ZNF565: variants seen among roughly 807,000 people sequenced by gnomAD.
ZNF565 encodes zinc finger protein 565.
Under a neutral mutation model 39.4 loss-of-function variants are expected in ZNF565, and 27 were observed. That is an observed-to-expected ratio of 0.69 (90% confidence interval 0.51 to 0.95). The LOEUF is 0.95. ZNF565 is among the 40% of genes least tolerant of loss of function. The probability of loss-of-function intolerance (pLI) is 0.00; values close to 1 mark genes in which losing one functional copy is unlikely to be tolerated. For synonymous variants in ZNF565, 185 were observed against 216.6 expected, an observed-to-expected ratio of 0.85 and a Z score of 1.28; for missense variants, 524 against 621.1, an observed-to-expected ratio of 0.84 and a Z score of 1.66.
chr19:36,228,158 CAAAAAAA>C (rs71171422), intron 1 of ZNF565, among the ~76,000 whole-genome samples: 1 of 106,644 alleles, frequency 9.4e-6, no homozygotes, highest in Admixed American at 9.5e-5. Flanking sequence ...GAAACTGTCT[CAAAAAAA>C]AAAAAAAAAA....
chr19:36,198,508 G>GGT (rs1975844435), intron 2 of ZNF565, among the ~76,000 whole-genome samples: 2 of 152,152 alleles, frequency 1.3e-5, no homozygotes, highest in African/African-American at 4.8e-5. Flanking sequence ...CTGAGTGGGA[G>GGT]GTGGGGATGG....
chr19:36,184,597 C>T (rs1372229344), intron 4 of ZNF565, among the ~76,000 whole-genome samples: 2 of 151,952 alleles, frequency 1.3e-5, no homozygotes, highest in African/African-American at 2.4e-5. Context: ...ATAGAAACCC[C>T]CCCACCCATT....
intron 1 of ZNF565, among the ~76,000 whole-genome samples, chr19:36,240,906 T>A (rs953523705): frequency 2.6e-5 from 4 of 152,148 alleles, no homozygotes; most frequent in African/African-American, 9.6e-5. Flanking sequence ...AGTCTCCACT[T>A]TCATGAGTAG....
In ZNF565 at chr19:36,183,354, G is replaced by C. The variant is rs533535178; in HGVS notation, c.612C>G (p.Phe204Leu). 6.2e-7 allele frequency: 1 copy of C among 1,613,858 alleles called. No individual in the cohort carries two copies. Among genetic ancestry groups the C allele is most frequent in the East Asian group, 2.2e-5 (1 of 44,850 alleles). The stretch of plus-strand genomic sequence containing the variant: ...GCTGAACAAGGTGTGAGGCACGGCT[G>C]AAGGCCTTCCCACATTCCTTACATC... ...PFGCKECGKA[F>L]SRASHLVQHQ... is the part of the protein sequence containing the mutation. The change falls in exon 5 of 5, where the codon TTC becomes TTG. Residue 204 changes from phenylalanine (F) to leucine (L), a missense_variant. Phe to Leu is a conservative substitution (Grantham distance 22). Coordinates refer to ENST00000304116, the MANE Select transcript of ZNF565 (RefSeq NM_152477.5).
chr19:36,232,106 G>A lies in ZNF565; in HGVS notation c.55+13370C>T, dbSNP rs1275997270. Among the ~76,000 whole-genome samples the A allele has an allele frequency of 2.0e-5, 3 of 151,208 alleles. No individual in the cohort carries two copies. The East Asian group carries it at 5.8e-4, about 29-fold the overall frequency. On this transcript the variant is annotated intron_variant, in intron 1 of 4. Transcript: ENST00000355114. ...TCGTCCCAGCTACTCGGGAGGCTGA[G>A]GCAGGAGAATCGGTTGAACCTGGGA...
chr19:36,188,998 G>C (rs987994704), intron 4 of ZNF565, among the ~76,000 whole-genome samples: 1 of 152,160 alleles, frequency 6.6e-6, no homozygotes, highest in African/African-American at 2.4e-5. Flanking sequence ...ACAAAAAGTA[G>C]AACAGAGGTG....
intron 1 of ZNF565, chr19:36,238,591 A>G (rs948575920): frequency 6.0e-6 from 1 of 166,980 alleles, no homozygotes; most frequent in Admixed American, 6.5e-5. Context: ...TAGGAATGGG[A>G]GTGAGGATGG....
intron 1 of ZNF565, among the ~76,000 whole-genome samples, 199 bp downstream of exon 1, chr19:36,214,415 ACTCTCTAT>A (rs1284762342): frequency 6.6e-6 from 1 of 151,988 alleles, no homozygotes; most frequent in Non-Finnish European, 1.5e-5. Context: ...GCACCCCGAT[ACTCTCTAT>A]CACACATGGT....
chr19:36,223,197 A>T (rs1976926893), intron 1 of ZNF565, among the ~76,000 whole-genome samples: 1 of 151,784 alleles, frequency 6.6e-6, no homozygotes, highest in African/African-American at 2.4e-5. Flanking sequence ...CGGGTAGATC[A>T]CTTGAGGTCA....
rs116829809 is a variant in ZNF565 at position 36,207,399 on chromosome 19, G to C, written c.-65-5349C>G. Among the ~76,000 whole-genome samples the C allele has an allele frequency of 2.6e-3, 400 of 152,202 alleles. 3 individuals carry two copies. Among genetic ancestry groups the C allele is most frequent in the African/African-American group, 8.9e-3 (371 of 41,536 alleles). ...TACTAAAAATACAAAAGTTAGCTGC[G>C]TATGGTGGTGAGCACCTGTAATCCT... On this transcript the variant is annotated intron_variant, in intron 1 of 4. Coordinates refer to ENST00000304116, the MANE Select transcript of ZNF565 (RefSeq NM_152477.5).
At chr19:36,194,919 T>C (rs1420124884) in intron 3 of ZNF565, 111 bp downstream of exon 3, 1 of 1,533,138 alleles carries the variant, frequency 6.5e-7, no homozygotes, top group Admixed American at 1.7e-5. Flanking sequence ...TAGCGTCTCC[T>C]GTGACAGTTT....
intron 1 of ZNF565, among the ~76,000 whole-genome samples, chr19:36,212,281 T>C (rs1468563994): frequency 6.6e-6 from 1 of 151,964 alleles, no homozygotes; most frequent in Non-Finnish European, 1.5e-5. Flanking sequence ...CTACTAAAAA[T>C]ACAAAAAATT....
At chr19:36,201,912 C>G (rs959487361) in intron 2 of ZNF565, 65 bp downstream of exon 2, 26 of 1,577,956 alleles carry the variant, frequency 1.6e-5, no homozygotes, top group Non-Finnish European at 2.2e-5. Context: ...GGATAAAGAA[C>G]ACAGTGTCCA....
intron 1 of ZNF565, among the ~76,000 whole-genome samples, chr19:36,210,717 C>T (rs1015795667): frequency 2.6e-5 from 4 of 151,454 alleles, no homozygotes; most frequent in African/African-American, 2.4e-5. Context: ...CTCCGCCTCC[C>T]GGGCTCAAGC....
chr19:36,188,711 CAAA>C (rs537452721), intron 4 of ZNF565, among the ~76,000 whole-genome samples: 3 of 76,080 alleles, frequency 3.9e-5, no homozygotes, highest in Admixed American at 1.4e-4. Flanking sequence ...GACTCCGTCT[CAAA>C]AAAAAAAAAA....
At chr19:36,237,289 C>T (rs773701823) in intron 1 of ZNF565, 1 of 1,609,194 alleles carries the variant, frequency 6.2e-7, no homozygotes, top group Non-Finnish European at 8.5e-7. Flanking sequence ...AGTCACACCA[C>T]ATTAGACACC....
At chr19:36,206,298 A>G (rs1976151473) in intron 1 of ZNF565, among the ~76,000 whole-genome samples, 1 of 151,946 alleles carries the variant, frequency 6.6e-6, no homozygotes. Context: ...ACCAACAAAC[A>G]CTGACATACG....
At chr19:36,197,576 C>T (rs1171102372) in intron 2 of ZNF565, among the ~76,000 whole-genome samples, 1 of 152,070 alleles carries the variant, frequency 6.6e-6, no homozygotes, top group Non-Finnish European at 1.5e-5. Flanking sequence ...TTATTGGTTG[C>T]ATAATATCGT....
In ZNF565 at chr19:36,195,108, A is replaced by G; in HGVS notation, c.58T>C (p.Trp20Arg). The part of the protein sequence containing the change: ...DVAIEFSLEE[W>R]KCLEPAQRDL... ...CTCTGAGCAGGTTCCAGGCACTTCC[A>G]TTCTTCCAGAGAGAACTCTATGGCC... is the stretch of plus-strand genomic sequence containing the variant. Residue 20 changes from tryptophan (W) to arginine (R), a missense_variant, in exon 3 of 5, where the codon TGG becomes CGG. By Grantham distance (101) the Trp-to-Arg change is moderately radical. Coordinates refer to ENST00000304116, the MANE Select transcript of ZNF565 (RefSeq NM_152477.5). The G allele has an allele frequency of 6.2e-7, 1 of 1,614,164 alleles. No individual in the cohort carries two copies. The highest frequency in any genetic ancestry group is 8.5e-7 in the Non-Finnish European group (1 of 1,180,036).
Sources: gnomAD v4.1 joint callset for allele counts (sites outside exome capture counted in the v4.1 genomes callset) on GRCh38, gnomAD v4.1.1 for gene constraint, MANE v1.5 for transcripts, NCBI Gene and HGNC (gene_info 2026-07-23, HGNC 2026-07-21) for gene names.